The following FAM228B variants were observed in gnomAD, a reference collection of about 807,000 sequenced individuals.
FAM228B encodes family with sequence similarity 228 member B.
FAM228B carries 38 observed loss-of-function variants against 42.6 expected under a neutral mutation model. The observed-to-expected ratio is 0.89, with a 90% CI of 0.69 to 1.17. FAM228B has a LOEUF of 1.17. Among genes scored for constraint, FAM228B ranks in the 50% most tolerant of loss-of-function variants. The probability of loss-of-function intolerance (pLI) is 0.00; values close to 1 mark genes in which losing one functional copy is unlikely to be tolerated. For missense variants in FAM228B, 344 were observed against 367.3 expected (o/e 0.94, Z 0.52); for synonymous variants, 109 against 122.3 (o/e 0.89, Z 0.72).
At chr2:24,085,136 A>C (rs574156065) in intron 2 of FAM228B, 1 of 152,038 alleles carries the variant, frequency 6.6e-6, no homozygotes, top group Non-Finnish European at 1.5e-5. Context: ...TGGCACATTT[A>C]TGTAACAGGC....
At chr2:24,148,208 C>G (rs1311797002) in intron 7 of FAM228B, among the ~76,000 whole-genome samples, 2 of 152,154 alleles carry the variant, frequency 1.3e-5, no homozygotes, top group Non-Finnish European at 2.9e-5. Context: ...TCAAGTGTTT[C>G]TGCTCCTTCC....
chr2:24,080,000 C>T (rs765978919), intron 1 of FAM228B, among the ~76,000 whole-genome samples: 2 of 152,088 alleles, frequency 1.3e-5, no homozygotes, highest in East Asian at 1.9e-4. Flanking sequence ...AGGAAGTGTC[C>T]GCACTAGGTT....
intron 9 of FAM228B, among the ~76,000 whole-genome samples, chr2:24,165,691 C>T (rs898334105): frequency 1.3e-5 from 2 of 152,138 alleles, no homozygotes; most frequent in African/African-American, 2.4e-5. Flanking sequence ...CCTCTCCCAG[C>T]ATGTGCAATA....
intron 5 of FAM228B, among the ~76,000 whole-genome samples, chr2:24,141,639 A>G (rs570858418): frequency 6.6e-6 from 1 of 152,220 alleles, no homozygotes; most frequent in East Asian, 1.9e-4. Flanking sequence ...TGGCCTCCCA[A>G]AGTGCTGGGA....
chr2:24,129,273 A>G (rs1666393779), intron 2 of FAM228B, among the ~76,000 whole-genome samples: 2 of 148,232 alleles, frequency 1.3e-5, no homozygotes, highest in South Asian at 2.2e-4. Flanking sequence ...CTGATGTTCG[A>G]TATCTTGGAA....
At chr2:24,110,771 C>T (rs190658191) in intron 3 of FAM228B, among the ~76,000 whole-genome samples, 30 of 152,244 alleles carry the variant, frequency 2.0e-4, no homozygotes, top group African/African-American at 5.5e-4. Context: ...GGACTCCCCC[C>T]CCAAATCTGT....
intron 3 of FAM228B, among the ~76,000 whole-genome samples, chr2:24,110,105 A>G (rs1665764654): frequency 6.6e-6 from 1 of 152,234 alleles, no homozygotes; most frequent in African/African-American, 2.4e-5. Flanking sequence ...TGCAGCCATA[A>G]AAAGAATGAG....
At chr2:24,119,213 G>C (rs897188067), upstream of FAM228B, among the ~76,000 whole-genome samples, 1 of 151,820 alleles carries the variant, frequency 6.6e-6, no homozygotes, top group Non-Finnish European at 1.5e-5. Context: ...ATAGCTGACT[G>C]ATACAGGGGT....
Position 24,139,448 on chromosome 2 carries a change from A to C in FAM228B, c.439A>C (p.Lys147Gln). 1 of 1,537,576 alleles carries C rather than the reference A, an allele frequency of 6.5e-7. No homozygotes were observed. Among genetic ancestry groups the C allele is most frequent in the Non-Finnish European group, 8.8e-7 (1 of 1,135,298 alleles). Residue 147 changes from lysine (K) to glutamine (Q), a missense_variant and splice_region_variant, in exon 5 of 11, where the codon AAG becomes CAG. By Grantham distance (53) the Lys-to-Gln change is moderately conservative. Coordinates refer to ENST00000615575, the MANE Select transcript of FAM228B (RefSeq NM_001145710.2). ...YMSKKDPNFL[K>Q]VTIPPFHDPL... ...GAGCAAGAAGGACCCCAATTTTCTG[A>C]AGGTAGGGTAGATTTCTTTTTTTTA... is the stretch of plus-strand genomic sequence containing the variant.
chr2:24,087,689 CA>C (rs1374472010), intron 2 of FAM228B, among the ~76,000 whole-genome samples: 1 of 151,966 alleles, frequency 6.6e-6, no homozygotes, highest in African/African-American at 2.4e-5. Context: ...CAGTTCACTG[CA>C]ACCTCCACCT....
At chr2:24,101,805 C>T (rs930228991) in intron 3 of FAM228B, among the ~76,000 whole-genome samples, 2 of 152,186 alleles carry the variant, frequency 1.3e-5, no homozygotes, top group Admixed American at 1.3e-4. Flanking sequence ...ACCTCAGCCT[C>T]TTGAGTAGCT....
chr2:24,119,117 C>T (rs1159025136), upstream of FAM228B, among the ~76,000 whole-genome samples: 1 of 152,062 alleles, frequency 6.6e-6, no homozygotes, highest in African/African-American at 2.4e-5. Context: ...TGTAAAATGT[C>T]TCTTTATATA....
chr2:24,152,757 A>T (rs924019123), intron 7 of FAM228B, among the ~76,000 whole-genome samples: 5 of 152,192 alleles, frequency 3.3e-5, no homozygotes, highest in African/African-American at 1.2e-4. Context: ...CGAGTCTTGC[A>T]CAAGGCCCTT....
At chr2:24,140,224 T>G (rs768811645) in intron 5 of FAM228B, among the ~76,000 whole-genome samples, 1 of 152,218 alleles carries the variant, frequency 6.6e-6, no homozygotes, top group Non-Finnish European at 1.5e-5. Flanking sequence ...TCACCCAGGC[T>G]GGAGTGCAGT....
At chr2:24,156,782 C>CG (rs1487064199) in intron 7 of FAM228B, among the ~76,000 whole-genome samples, 3 of 121,218 alleles carry the variant, frequency 2.5e-5, no homozygotes, top group African/African-American at 8.7e-5. Flanking sequence ...CCGCCCCCCC[C>CG]CCCCCAGCTT....
intron 2 of FAM228B, among the ~76,000 whole-genome samples, chr2:24,091,691 A>G (rs1665394955): frequency 1.3e-5 from 2 of 151,204 alleles, no homozygotes; most frequent in Non-Finnish European, 1.5e-5. Context: ...AACAAGGAAG[A>G]TACAAAAATT....
chr2:24,122,326 CA>C (rs71397404), upstream of FAM228B: 60,412 of 716,140 alleles, frequency 0.084, 1 homozygote, highest in East Asian at 0.12. Context: ...AATTCCGTCT[CA>C]AAAAAAAAAA....
At chr2:24,120,611 A>G (rs977143485), upstream of FAM228B, among the ~76,000 whole-genome samples, 11 of 152,078 alleles carry the variant, frequency 7.2e-5, no homozygotes, top group Non-Finnish European at 1.5e-4. Flanking sequence ...GCCGGAGTGC[A>G]ATGGCACGAT....
intron 9 of FAM228B, among the ~76,000 whole-genome samples, chr2:24,164,866 G>A (rs1431075265): frequency 2.0e-5 from 3 of 152,068 alleles, no homozygotes; most frequent in East Asian, 3.8e-4. Context: ...TTCCTCACTC[G>A]GCACCTTGTG....
Sources: gnomAD v4.1 joint callset for allele counts (sites outside exome capture counted in the v4.1 genomes callset) on GRCh38, gnomAD v4.1.1 for gene constraint, MANE v1.5 for transcripts, NCBI Gene and HGNC (gene_info 2026-07-23, HGNC 2026-07-21) for gene names.